Variants in GABRP observed in about 807,000 individuals in gnomAD.
GABRP encodes the protein gamma-aminobutyric acid type A receptor subunit pi, also known as gamma-aminobutyric acid receptor subunit pi.
In GABRP, 52 loss-of-function variants were observed where a neutral mutation model predicts 47.8. That is an observed-to-expected ratio of 1.09 (90% CI 0.87 to 1.37). GABRP has a LOEUF of 1.37. Ranked by LOEUF, GABRP falls within the 40% of genes most tolerant of loss-of-function variation. The probability of loss-of-function intolerance (pLI) is 0.00; values close to 1 mark genes in which losing one functional copy is unlikely to be tolerated. For synonymous variants in GABRP, 221 were observed against 205.8 expected (o/e 1.07, Z -0.63); for missense variants, 525 against 542.8 (o/e 0.97, Z 0.33).
rs1246680368 is a variant in GABRP at position 170,799,231 on chromosome 5, C to T, written c.541+1683C>T. Among the ~76,000 whole-genome samples, 4 of 152,160 alleles carry T rather than the reference C, an allele frequency of 2.6e-5. 1 individual carries two copies. The highest frequency in any genetic ancestry group is 4.4e-5 in the Non-Finnish European group (3 of 68,048). ...GCCTTTGCTATTGTGAATAATGCCGCAATAAATATACATGTGCATGTGTCT... is the reference window on the plus strand; with the variant it reads ...GCCTTTGCTATTGTGAATAATGCCGTAATAAATATACATGTGCATGTGTCT... On this transcript the variant is annotated intron_variant, in intron 6 of 9. Transcript: ENST00000265294.
chr5:170,803,481 C>T (rs981312677), intron 6 of GABRP, among the ~76,000 whole-genome samples: 16 of 152,116 alleles, frequency 1.1e-4, no homozygotes, highest in African/African-American at 3.9e-4. Flanking sequence ...TTTTTAACAG[C>T]TTTATTGAGG....
intron 3 of GABRP, among the ~76,000 whole-genome samples, chr5:170,793,197 A>G (rs1765325189): frequency 6.6e-6 from 1 of 152,154 alleles, no homozygotes; most frequent in Admixed American, 6.5e-5. Context: ...TGACCCTGTG[A>G]TGTCAGTATG....
intron 6 of GABRP, among the ~76,000 whole-genome samples, chr5:170,800,727 C>T (rs748055550): frequency 1.3e-5 from 2 of 152,188 alleles, no homozygotes; most frequent in Non-Finnish European, 2.9e-5. Context: ...GGACAGATTA[C>T]TTGAGGCCTG....
chr5:170,783,678 T>G (rs1222061836), upstream of GABRP: 1 of 152,246 alleles, frequency 6.6e-6, no homozygotes, highest in Admixed American at 6.5e-5. Context: ...CGCCCACCTC[T>G]GTTTCTGCAC....
At position 170,808,639 on chromosome 5, in the gene GABRP, G is replaced by T; in HGVS notation, c.719G>T (p.Arg240Met). ...TRLVLQFELR[R>M]NVLYFILETY... ...TTGGTCTTACAGTTTGAGCTTCGGA[G>T]GAATGTTCTGTATTTCATTTTGGAA... Residue 240 changes from arginine to methionine, a missense_variant, in exon 8 of 10, where the codon AGG becomes ATG. Arg to Met is a moderately conservative substitution (Grantham distance 91). Coordinates refer to ENST00000265294, the MANE Select transcript of GABRP (RefSeq NM_014211.3). 6.2e-7 allele frequency: 1 copy of T among 1,614,024 alleles called. No individual in the cohort carries two copies. The highest frequency in any genetic ancestry group is 2.2e-5 in the East Asian group (1 of 44,876).
chr5:170,792,119 G>A (rs369815892), intron 3 of GABRP, among the ~76,000 whole-genome samples: 23 of 152,290 alleles, frequency 1.5e-4, no homozygotes, highest in African/African-American at 5.5e-4. Context: ...AAACCACAGT[G>A]GCTCTAGTAG....
chr5:170,811,200 A>G (rs1765873983), intron 9 of GABRP, among the ~76,000 whole-genome samples: 2 of 147,500 alleles, frequency 1.4e-5, no homozygotes. Flanking sequence ...CAAGGGTAAA[A>G]TTGGGATAAT....
intron 5 of GABRP, among the ~76,000 whole-genome samples, chr5:170,796,577 G>T (rs1244852519): frequency 6.6e-6 from 1 of 152,202 alleles, no homozygotes; most frequent in African/African-American, 2.4e-5. Context: ...GACTCTCAGA[G>T]CCTCAGTTTC....
At chr5:170,807,470 A>G (rs1765765487) in intron 7 of GABRP, among the ~76,000 whole-genome samples, 1 of 152,190 alleles carries the variant, frequency 6.6e-6, no homozygotes, top group Non-Finnish European at 1.5e-5. Context: ...GAGGGTCGTT[A>G]TTTAGTCAAA....
At chr5:170,798,594 A>G (rs1458523649) in intron 6 of GABRP, among the ~76,000 whole-genome samples, 1 of 152,044 alleles carries the variant, frequency 6.6e-6, no homozygotes, top group Non-Finnish European at 1.5e-5. Flanking sequence ...GATGAGTTCT[A>G]TGACCATGTT....
intron 5 of GABRP, 117 bp from the exon 6 acceptor site, chr5:170,797,348 AG>A (rs1765458270): frequency 1.4e-6 from 1 of 697,070 alleles, no homozygotes; most frequent in African/African-American, 1.8e-5. Context: ...GCAGACTCCA[AG>A]CTACATGTTC....
At chr5:170,801,984 G>A (rs1430052178) in intron 6 of GABRP, among the ~76,000 whole-genome samples, 4 of 152,090 alleles carry the variant, frequency 2.6e-5, no homozygotes, top group African/African-American at 9.7e-5. Context: ...GTACAAGAAG[G>A]AACAAAGCAG....
At chr5:170,806,003 T>C (rs1765726113) in intron 7 of GABRP, 150 bp downstream of exon 7, 1 of 799,150 alleles carries the variant, frequency 1.3e-6, no homozygotes, top group African/African-American at 1.7e-5. Flanking sequence ...TTCCACCTCC[T>C]CCACACCCAG....
At chr5:170,800,402 T>G (rs1471907096) in intron 6 of GABRP, among the ~76,000 whole-genome samples, 2 of 152,300 alleles carry the variant, frequency 1.3e-5, no homozygotes, top group African/African-American at 4.8e-5. Flanking sequence ...GAAGAAAACC[T>G]AAGCAATACC....
chr5:170,792,345 A>G (rs4867630), intron 3 of GABRP, among the ~76,000 whole-genome samples: 85,182 of 151,626 alleles, frequency 0.56, 25,356 homozygotes, highest in South Asian at 0.75. Context: ...TGAAGGCCGA[A>G]GCAGGAGAAT....
chr5:170,788,705 G>C, intron 2 of GABRP, 37 bp downstream of exon 2: 1 of 1,603,002 alleles, frequency 6.2e-7, no homozygotes, highest in South Asian at 1.1e-5. Flanking sequence ...CTCCATCTGC[G>C]TTGCTTTGCA....
rs575933018 is a variant in GABRP, at chr5:170,796,468, T to A, written c.459-998T>A. On this transcript the variant is annotated intron_variant, in intron 5 of 9. Coordinates refer to ENST00000265294, the MANE Select transcript of GABRP (RefSeq NM_014211.3). ...AATATTGTGTAAGGATTACAAATAA[T>A]GAGTGATGTTTTAATAGCCTGGCTC... is the stretch of plus-strand genomic sequence containing the variant. 2.6e-5 allele frequency among the ~76,000 whole-genome samples: 4 copies of A among 152,316 alleles called. No individual in the cohort carries two copies. In the South Asian group the frequency reaches 8.3e-4, roughly 32 times the overall value.
intron 5 of GABRP, among the ~76,000 whole-genome samples, chr5:170,797,124 C>T (rs950355403): frequency 6.6e-6 from 1 of 152,218 alleles, no homozygotes; most frequent in Admixed American, 6.5e-5. Context: ...ATGGTGAACA[C>T]TGTTCTAGGC....
In GABRP at chr5:170,795,369, T is replaced by C. The variant is rs1765399175; in HGVS notation, c.402T>C (p.Thr134=). ...AGAAGTCCTTCCTCCATGAAGTCAC[T>C]GTGGGAAACAGGCTCATCCGCCTCT... ...ESKKSFLHEV[T]VGNRLIRLFS... Residue 134 remains threonine (T), a synonymous_variant, in exon 5 of 10, where the codon ACT becomes ACC. Transcript: ENST00000265294. The C allele has an allele frequency of 6.2e-7, 1 of 1,614,072 alleles. No individual in the cohort carries two copies. Among genetic ancestry groups the C allele is most frequent in the Non-Finnish European group, 8.5e-7 (1 of 1,179,998 alleles).
Sources: gnomAD v4.1 joint callset for allele counts (sites outside exome capture counted in the v4.1 genomes callset) on GRCh38, gnomAD v4.1.1 for gene constraint, MANE v1.5 for transcripts, NCBI Gene and HGNC (gene_info 2026-07-23, HGNC 2026-07-21) for gene names.